The following BANK1 variants were observed in gnomAD, a reference collection of about 807,000 sequenced individuals.
BANK1 encodes B cell scaffold protein with ankyrin repeats 1, also known as B-cell scaffold protein with ankyrin repeats.
Under a neutral mutation model 94.5 loss-of-function variants are expected in BANK1, and 95 were observed. That is an observed-to-expected ratio of 1.00 (90% CI 0.85 to 1.19). BANK1 has a LOEUF of 1.19. Among genes scored for constraint, BANK1 ranks in the 50% most tolerant of loss-of-function variants. The pLI is 0.00. For synonymous variants in BANK1, 334 were observed against 308.4 expected, an observed-to-expected ratio of 1.08 and a Z score of -0.87; for missense variants, 987 against 932.2, an observed-to-expected ratio of 1.06 and a Z score of -0.77.
chr4:101,837,953 C>G (rs1726893685), intron 2 of BANK1, among the ~76,000 whole-genome samples: 1 of 146,266 alleles, frequency 6.8e-6, no homozygotes, highest in Non-Finnish European at 1.5e-5. Flanking sequence ...TCCCTCCCCT[C>G]TCTCTTCTCT....
intron 7 of BANK1, among the ~76,000 whole-genome samples, chr4:102,001,950 A>ACC (rs1726091185): frequency 1.3e-5 from 2 of 152,194 alleles, no homozygotes; most frequent in South Asian, 2.1e-4. Context: ...CAAGATAGGA[A>ACC]CACTGTGCTT....
intron 1 of BANK1, among the ~76,000 whole-genome samples, chr4:101,828,401 A>G (rs946196692): frequency 6.7e-6 from 1 of 149,252 alleles, no homozygotes; most frequent in African/African-American, 2.4e-5. Context: ...ATATATATAT[A>G]TATATATATC....
At chr4:101,860,661 C>T (rs905679520) in intron 3 of BANK1, among the ~76,000 whole-genome samples, 3 of 152,088 alleles carry the variant, frequency 2.0e-5, no homozygotes, top group Admixed American at 6.5e-5. Context: ...GAACTCCTGA[C>T]CTCAGGTGAT....
intron 1 of BANK1, among the ~76,000 whole-genome samples, chr4:101,804,373 G>A (rs1002236318): frequency 6.6e-6 from 1 of 152,190 alleles, no homozygotes; most frequent in Non-Finnish European, 1.5e-5. Context: ...ATCTCTGAGT[G>A]AGTAGTTTGT....
intron 7 of BANK1, among the ~76,000 whole-genome samples, chr4:101,987,374 G>A (rs955145629): frequency 6.6e-6 from 1 of 152,120 alleles, no homozygotes; most frequent in Non-Finnish European, 1.5e-5. Context: ...CTGAGTCACA[G>A]AGAGTTTATG....
intron 1 of BANK1, among the ~76,000 whole-genome samples, chr4:101,820,983 G>A (rs188111951): frequency 1.7e-4 from 26 of 151,838 alleles, no homozygotes; most frequent in African/African-American, 6.0e-4. Flanking sequence ...CTCTGGGTGG[G>A]TCGAATGCCA....
At chr4:101,808,179 C>G (rs1473795544) in intron 1 of BANK1, among the ~76,000 whole-genome samples, 1 of 152,030 alleles carries the variant, frequency 6.6e-6, no homozygotes, top group Admixed American at 6.6e-5. Context: ...ATATGTTTAT[C>G]TGAAATAAAC....
intron 3 of BANK1, among the ~76,000 whole-genome samples, chr4:101,857,668 A>AAAATT (rs1313525312): frequency 1.3e-5 from 2 of 152,266 alleles, no homozygotes; most frequent in East Asian, 3.9e-4. Flanking sequence ...ATTATGTGCC[A>AAAATT]CTTCTCAAAC....
At chr4:102,041,599 G>C (rs1727703712) in intron 10 of BANK1, among the ~76,000 whole-genome samples, 1 of 152,012 alleles carries the variant, frequency 6.6e-6, no homozygotes. Flanking sequence ...GGTGGGTAAA[G>C]CAGGTAGAGG....
rs548034829 is a variant in BANK1 at position 102,073,287 on chromosome 4, T to A, written c.2299-397T>A. On this transcript the variant is annotated intron_variant, in intron 15 of 16. Transcript: ENST00000322953. ...TATATAGATATATATTATAGACTCA[T>A]TAGACTCATTCAAATGTAGCAAAAG... Among the ~76,000 whole-genome samples, 5 of 151,068 alleles carry A rather than the reference T, an allele frequency of 3.3e-5. No individual in the cohort carries two copies. In the East Asian group the frequency reaches 9.7e-4, roughly 29 times the overall value.
chr4:101,817,867 T>G (rs1725978913), intron 1 of BANK1, among the ~76,000 whole-genome samples: 2 of 152,036 alleles, frequency 1.3e-5, no homozygotes, highest in Non-Finnish European at 2.9e-5. Flanking sequence ...GCTCATCAGC[T>G]GTCATTAGTG....
intron 7 of BANK1, among the ~76,000 whole-genome samples, chr4:102,016,079 A>G (rs1332169212): frequency 6.6e-6 from 1 of 152,170 alleles, no homozygotes; most frequent in Non-Finnish European, 1.5e-5. Flanking sequence ...GGCCGCTAAT[A>G]TTTCATCCTT....
At position 102,043,879 on chromosome 4, in the gene BANK1, C is replaced by G. The variant is rs370674109; in HGVS notation, c.1941C>G (p.Asp647Glu). The G allele has an allele frequency of 8.1e-6, 13 of 1,603,036 alleles. No individual in the cohort carries two copies. The African/African-American group carries it at 1.6e-4, about 20-fold the overall frequency. ...CAGCCAGAAGACAATCTGATGATGA[C>G]AAGTTCTGTGGTCTTCCTAAGAAAC... Reference protein sequence around the residue: ...QKTARRQSDDDKFCGLPKKQD... With the variant: ...QKTARRQSDDEKFCGLPKKQD... Residue 647 changes from aspartate to glutamate, a missense_variant, in exon 11 of 17, where the codon GAC (aspartate) becomes GAG (glutamate). Asp to Glu is a conservative substitution (Grantham distance 45). Coordinates refer to ENST00000322953, the MANE Select transcript of BANK1 (RefSeq NM_017935.5).
chr4:101,892,541 G>A (rs1032116738), intron 5 of BANK1, among the ~76,000 whole-genome samples: 2 of 150,480 alleles, frequency 1.3e-5, no homozygotes, highest in Non-Finnish European at 3.0e-5. Flanking sequence ...ATATATATAT[G>A]TATATATTAT....
At chr4:101,844,492 A>G (rs1727174240) in intron 2 of BANK1, among the ~76,000 whole-genome samples, 1 of 152,162 alleles carries the variant, frequency 6.6e-6, no homozygotes, top group Non-Finnish European at 1.5e-5. Flanking sequence ...ACTTGCTAGA[A>G]CTTCTCTTGT....
chr4:102,024,049 A>G (rs1417787179), intron 8 of BANK1, among the ~76,000 whole-genome samples: 1 of 152,208 alleles, frequency 6.6e-6, no homozygotes, highest in Non-Finnish European at 1.5e-5. Flanking sequence ...TAGTTTTAGT[A>G]CTGGAAACTG....
At chr4:101,907,297 C>A (rs2148895802) in intron 6 of BANK1, among the ~76,000 whole-genome samples, 1 of 152,296 alleles carries the variant, frequency 6.6e-6, no homozygotes, top group African/African-American at 2.4e-5. Flanking sequence ...GAACCAAAGA[C>A]AAAAACCACA....
intron 1 of BANK1, among the ~76,000 whole-genome samples, chr4:101,812,071 T>C (rs1725747979): frequency 6.6e-6 from 1 of 152,002 alleles, no homozygotes; most frequent in Non-Finnish European, 1.5e-5. Flanking sequence ...TTATAATACT[T>C]ATGAATGATT....
At chr4:101,810,444 C>T (rs866800329) in intron 1 of BANK1, among the ~76,000 whole-genome samples, 4 of 152,226 alleles carry the variant, frequency 2.6e-5, no homozygotes, top group South Asian at 2.1e-4. Flanking sequence ...CATTTATACA[C>T]CATCAGTCTA....
Sources: allele counts gnomAD v4.1 joint callset (sites outside exome capture counted in the v4.1 genomes callset), GRCh38; gene constraint gnomAD v4.1.1; transcripts MANE v1.5; gene names NCBI Gene and HGNC (gene_info 2026-07-23, HGNC 2026-07-21).